Variants in MEIS3 observed in about 807,000 individuals in gnomAD.
The protein encoded by MEIS3 is homeobox protein Meis3.
MEIS3 carries 38 observed loss-of-function variants against 51.4 expected under a neutral mutation model. The observed-to-expected ratio is 0.74, with a 90% confidence interval of 0.57 to 0.97. The LOEUF (loss-of-function observed/expected upper bound fraction) is 0.97. Ranked by LOEUF, MEIS3 falls within the 50% of genes least tolerant of loss-of-function variation. MEIS3 has a pLI of 0.00. For missense variants in MEIS3, 456 were observed against 502.6 expected, an observed-to-expected ratio of 0.91 and a Z score of 0.89; for synonymous variants, 198 against 201.8, an observed-to-expected ratio of 0.98 and a Z score of 0.16.
At chr19:47,407,317 C>T in intron 9 of MEIS3, 35 bp downstream of exon 9, 1 of 1,602,028 alleles carries the variant, frequency 6.2e-7, no homozygotes, top group Non-Finnish European at 8.5e-7. Flanking sequence ...GGCTCTCGCC[C>T]CGGGCCGGCC....
intron 6 of MEIS3, 31 bp downstream of exon 6, chr19:47,414,686 G>A: frequency 6.4e-7 from 1 of 1,559,554 alleles, no homozygotes; most frequent in African/African-American, 1.4e-5. Flanking sequence ...TGTGGCTGCA[G>A]GACGATGCCT....
chr19:47,403,626 G>A (rs1342947753), intron 12 of MEIS3, 73 bp from the exon 13 acceptor site: 2 of 360,754 alleles, frequency 5.5e-6, no homozygotes, highest in Non-Finnish European at 1.1e-5. Context: ...CATCTGTGCA[G>A]GCCTCATCAG....
At chr19:47,417,071 AG>A in intron 2 of MEIS3, 106 bp downstream of exon 2, 1 of 1,533,546 alleles carries the variant, frequency 6.5e-7, no homozygotes, top group South Asian at 1.2e-5. Flanking sequence ...CAGAGAGGGA[AG>A]GAGACAGAGA....
chr19:47,408,204 G>A (rs1228229295), intron 8 of MEIS3, among the ~76,000 whole-genome samples: 1 of 151,710 alleles, frequency 6.6e-6, no homozygotes. Context: ...ATGGCTCACT[G>A]CAGCCTCAAT....
rs923639292 is a variant in MEIS3 at position 47,407,423 on chromosome 19, C to T, written c.864G>A (p.Pro288=). ...RAWLFQHLSH[P]YPSEEQKKQL... is the part of the protein sequence containing the mutation. Reference sequence around the variant, plus strand: ...GTTTCTTCTGCTCCTCCGAGGGGTACGGGTGCTGCAGCCACCAGCAAGAGT... The same window carrying T: ...GTTTCTTCTGCTCCTCCGAGGGGTATGGGTGCTGCAGCCACCAGCAAGAGT... The change falls in exon 9 of 13, where the codon CCG becomes CCA. Residue 288 remains proline (P), a synonymous_variant. Transcript: ENST00000558555. The T allele has an allele frequency of 6.2e-7, 1 of 1,613,778 alleles. No individual in the cohort carries two copies. The highest frequency in any genetic ancestry group is 8.5e-7 in the Non-Finnish European group (1 of 1,179,902).
At chr19:47,418,854 G>T (rs1385657401) in intron 1 of MEIS3, 1 of 395,166 alleles carries the variant, frequency 2.5e-6, no homozygotes, top group East Asian at 3.6e-5. Context: ...CTAAACGATG[G>T]GGAGGAGGCG....
At chr19:47,416,422 C>G (rs920840106) in intron 4 of MEIS3, 1 of 501,896 alleles carries the variant, frequency 2.0e-6, no homozygotes, top group Non-Finnish European at 3.5e-6. Context: ...GAGTGACTTG[C>G]CCTGGGTCAC....
rs576147571 is a variant in MEIS3 at position 47,408,973 on chromosome 19, G to A, written c.858+126C>T. 4.6e-6 allele frequency: 5 copies of A among 1,089,120 alleles called. No individual in the cohort carries two copies. In the South Asian group the frequency reaches 5.7e-5, roughly 12 times the overall value. The allele number at this position is 1,089,120 out of a possible 1,614,324, so 67.5% of individuals were successfully genotyped here. Reference sequence around the variant, plus strand: ...TCCTGTCACAATTCTCCACCTCCATGAGAGTCTCGAAAAATTTCCTGCCGT... The same window carrying A: ...TCCTGTCACAATTCTCCACCTCCATAAGAGTCTCGAAAAATTTCCTGCCGT... On this transcript the variant is annotated intron_variant, in intron 8 of 12. Coordinates refer to ENST00000558555, the MANE Select transcript of MEIS3 (RefSeq NM_001301059.2).
chr19:47,416,871 GTCCCCAGCCCAGC>G lies in MEIS3; in HGVS notation c.265_277del (p.Ala89HisfsTer40). 6.2e-7 allele frequency: 1 copy of G among 1,614,010 alleles called. No individual in the cohort carries two copies. Among genetic ancestry groups the G allele is most frequent in the Non-Finnish European group, 8.5e-7 (1 of 1,179,986 alleles). ...GGAGCAGACGTCACCTCCAGGGGGT[GTCCCCAGCCCAGC>G]TCCGGCCCCGTCACGGGGAGAGCAT... On this transcript the variant is annotated frameshift_variant, in exon 3 of 13. Transcript: ENST00000558555. LOFTEE classifies it high-confidence loss of function.
rs181268858 is a variant in MEIS3 at position 47,403,329 on chromosome 19, C to G, written c.*242G>C. 4.7e-4 allele frequency: 206 copies of G among 437,004 alleles called. No individual in the cohort carries two copies. The highest frequency in any genetic ancestry group is 3.8e-3 in the African/African-American group (186 of 49,460). 27.1% of individuals were successfully genotyped at this position (437,004 alleles called of 1,614,324 possible). On this transcript the variant is annotated 3_prime_UTR_variant, in exon 13 of 13. Coordinates refer to ENST00000558555, the MANE Select transcript of MEIS3 (RefSeq NM_001301059.2). ...GGGACCAAGGCCCAGGAGCCCAGCT[C>G]GGGTCCCAGGCAGAGGTGAAGGCAG...
chr19:47,405,301 GC>G (rs949629917), intron 12 of MEIS3, among the ~76,000 whole-genome samples: 2 of 152,110 alleles, frequency 1.3e-5, no homozygotes, highest in Non-Finnish European at 2.9e-5. Flanking sequence ...GTCAAATAAT[GC>G]CCCCCTTCCA....
chr19:47,420,906 T>TCACACACACA (rs1243936482), upstream of MEIS3, among the ~76,000 whole-genome samples: 3 of 91,740 alleles, frequency 3.3e-5, no homozygotes, highest in African/African-American at 1.1e-4. Context: ...TCTCTCTCTC[T>TCACACACACA]CTCTCACACA....
At chr19:47,422,087 C>T (rs1019229376), upstream of MEIS3, among the ~76,000 whole-genome samples, 1 of 152,076 alleles carries the variant, frequency 6.6e-6, no homozygotes, top group Non-Finnish European at 1.5e-5. Context: ...CCGCTGGCCA[C>T]GCCATCCATC....
chr19:47,420,129 C>T (rs1418862788), upstream of MEIS3, among the ~76,000 whole-genome samples: 1 of 152,134 alleles, frequency 6.6e-6, no homozygotes, highest in Admixed American at 6.5e-5. Context: ...TTAAGGCAGT[C>T]CGAGGGGAAG....
chr19:47,414,994 G>A (rs764034225), intron 5 of MEIS3, 57 bp downstream of exon 5: 19 of 1,284,828 alleles, frequency 1.5e-5, no homozygotes, highest in Middle Eastern at 2.4e-4. Flanking sequence ...CAGAGGCGAC[G>A]AGAGGGGGTG....
In MEIS3 at chr19:47,403,314, C is replaced by T. The variant is rs1164196821; in HGVS notation, c.*257G>A. On this transcript the variant is annotated 3_prime_UTR_variant, in exon 13 of 13. Coordinates refer to ENST00000558555, the MANE Select transcript of MEIS3 (RefSeq NM_001301059.2). ...AGCCGCCATCTTCTGGGGACCAAGG[C>T]CCAGGAGCCCAGCTCGGGTCCCAGG... 1 of 419,810 alleles carries T rather than the reference C, an allele frequency of 2.4e-6. No individual in the cohort carries two copies. Among genetic ancestry groups the T allele is most frequent in the East Asian group, 7.1e-5 (1 of 14,014 alleles). 26.0% of individuals were successfully genotyped at this position (419,810 alleles called of 1,614,324 possible). A position where few individuals can be genotyped will look rare whatever the true frequency, so the allele number is the denominator to read the frequency against.
intron 6 of MEIS3, among the ~76,000 whole-genome samples, chr19:47,410,440 G>A (rs1282540822): frequency 2.1e-5 from 3 of 143,528 alleles, no homozygotes; most frequent in Non-Finnish European, 4.5e-5. Flanking sequence ...GTGACAAAGT[G>A]AGACTACGTC....
Position 47,409,243 on chromosome 19 carries a change from G to A in MEIS3, c.714C>T (p.Asp238=), listed in dbSNP as rs571859937. The A allele has an allele frequency of 1.8e-5, 29 of 1,609,832 alleles. No individual in the cohort carries two copies. The highest frequency in any genetic ancestry group is 1.2e-4 in the Admixed American group (7 of 59,268). ...GAGAGGCCACGCTGGTGTCCAGCCC[G>A]TCTCCTGAGGGAAGGCAGGCATGCT... ...QSGDNSSDQG[D]GLDTSVASPS... is the part of the protein sequence containing the mutation. The change falls in exon 8 of 13, where the codon GAC becomes GAT. Residue 238 remains aspartate (D), a synonymous_variant. Coordinates refer to ENST00000558555, the MANE Select transcript of MEIS3 (RefSeq NM_001301059.2).
chr19:47,407,680 G>T, intron 8 of MEIS3: 1 of 871,578 alleles, frequency 1.1e-6, no homozygotes, highest in Non-Finnish European at 1.6e-6. Flanking sequence ...TGATTAGAGA[G>T]ACTGTGTTGG....
Sources: gnomAD v4.1 joint callset for allele counts (sites outside exome capture counted in the v4.1 genomes callset) on GRCh38, gnomAD v4.1.1 for gene constraint, MANE v1.5 for transcripts, NCBI Gene and HGNC (gene_info 2026-07-23, HGNC 2026-07-21) for gene names.